The following PARP14 variants were observed in gnomAD, a reference collection of about 807,000 sequenced individuals.
PARP14 encodes the protein poly(ADP-ribose) polymerase family member 14, also known as protein mono-ADP-ribosyltransferase PARP14.
PARP14 carries 59 observed loss-of-function variants against 154.2 expected under a neutral mutation model. The observed-to-expected ratio is 0.38, with a 90% CI of 0.31 to 0.48. The LOEUF (loss-of-function observed/expected upper bound fraction) is 0.48. Among genes scored for constraint, PARP14 ranks in the 20% least tolerant of loss-of-function variants. PARP14 has a pLI of 0.98. For missense variants in PARP14, 1,734 were observed against 2,131.6 expected, an observed-to-expected ratio of 0.81 and a Z score of 3.67; for synonymous variants, 720 against 780.5, an observed-to-expected ratio of 0.92 and a Z score of 1.29.
In PARP14 at chr3:122,681,150, A is replaced by G; in HGVS notation, c.187+80A>G. On this transcript the variant is annotated intron_variant, in intron 1 of 16. Transcript: ENST00000474629. This position sits in a 1 kb window ranked among gnomAD's most constrained non-coding sequence, Gnocchi z 5.5. ...GAAATGGCGGCAGGGCACGCACGGG[A>G]GGGTGACCCGCCCGACTTCGGCGGC... 3.1e-6 allele frequency: 2 copies of G among 650,516 alleles called. No individual in the cohort carries two copies. Among genetic ancestry groups the G allele is most frequent in the Non-Finnish European group, 4.2e-6 (2 of 473,616 alleles). 40.3% of individuals were successfully genotyped at this position (650,516 alleles called of 1,614,324 possible).
At chr3:122,702,810 C>A (rs951484209) in intron 6 of PARP14, among the ~76,000 whole-genome samples, 4 of 152,002 alleles carry the variant, frequency 2.6e-5, no homozygotes, top group African/African-American at 9.7e-5. Context: ...TTCCTTGTCT[C>A]TTTTGACACC....
At chr3:122,710,776 G>A (rs1406070696) in intron 9 of PARP14, among the ~76,000 whole-genome samples, 1 of 150,568 alleles carries the variant, frequency 6.6e-6, no homozygotes, top group Non-Finnish European at 1.5e-5. Context: ...CCTTGGTTAA[G>A]TATATTCCTA....
At chr3:122,687,191 G>GC in intron 3 of PARP14, 78 bp downstream of exon 3, 1 of 995,066 alleles carries the variant, frequency 1.0e-6, no homozygotes, top group Non-Finnish European at 1.6e-6. Context: ...GAGGGAGTCA[G>GC]CCCTCTCTTC....
At chr3:122,711,815 G>C (rs1014858418) in intron 9 of PARP14, among the ~76,000 whole-genome samples, 5 of 152,090 alleles carry the variant, frequency 3.3e-5, no homozygotes, top group African/African-American at 7.2e-5. Context: ...ACCTAGGAGG[G>C]TTGTATGTTT....
chr3:122,718,301 T>A, intron 13 of PARP14, 24 bp downstream of exon 13: 2 of 1,611,446 alleles, frequency 1.2e-6, no homozygotes, highest in Non-Finnish European at 1.7e-6. Context: ...TTTTATGAAA[T>A]GCATGTTCAT....
At chr3:122,697,528 T>A (rs1938816766) in intron 5 of PARP14, among the ~76,000 whole-genome samples, 1 of 152,242 alleles carries the variant, frequency 6.6e-6, no homozygotes, top group Non-Finnish European at 1.5e-5. Context: ...CGTTAATTTT[T>A]CTTATAGGAT....
intron 3 of PARP14, among the ~76,000 whole-genome samples, chr3:122,688,228 A>G (rs935772968): frequency 6.6e-6 from 1 of 152,210 alleles, no homozygotes; most frequent in Admixed American, 6.5e-5. Flanking sequence ...TATACCGTCA[A>G]GCTCAACTTC....
intron 15 of PARP14, among the ~76,000 whole-genome samples, chr3:122,724,055 G>T (rs1451833253): frequency 1.3e-5 from 2 of 152,094 alleles, no homozygotes; most frequent in Non-Finnish European, 2.9e-5. Flanking sequence ...GTCTTTTAAT[G>T]ACCCCATTAA....
chr3:122,700,307 C>A lies in PARP14; in HGVS notation c.1753C>A (p.Leu585Met). The change falls in exon 6 of 17, where the codon CTG becomes ATG. Residue 585 changes from leucine (L) to methionine (M), a missense_variant. Coordinates refer to ENST00000474629, the MANE Select transcript of PARP14 (RefSeq NM_017554.3). ...VLLTSCSSEA[L>M]LEAEKQMLSA... is the part of the protein sequence containing the mutation. ...CTTAACCAGCTGTTCTTCTGAAGCC[C>A]TGTTAGAAGCAGAAAAGCAAATGCT... 1 of 1,613,446 alleles carries A rather than the reference C, an allele frequency of 6.2e-7. No individual in the cohort carries two copies. The highest frequency in any genetic ancestry group is 1.1e-5 in the South Asian group (1 of 90,992).
chr3:122,719,306 G>A (rs939840410), intron 14 of PARP14, among the ~76,000 whole-genome samples: 2 of 152,188 alleles, frequency 1.3e-5, no homozygotes, highest in African/African-American at 4.8e-5. Flanking sequence ...GAAAAGTGAT[G>A]GCCCAAGGTT....
chr3:122,700,457 A>G lies in PARP14; in HGVS notation c.1903A>G (p.Asn635Asp), dbSNP rs1262129627. The G allele has an allele frequency of 6.2e-7, 1 of 1,613,200 alleles. No homozygotes were observed. The highest frequency in any genetic ancestry group is 1.3e-5 in the African/African-American group (1 of 74,940). Reference sequence around the variant, plus strand: ...TTCCTCCCCAAACACTGTAATCATCAATGAGTTAACTTCAGAAACCACAGC... The same window carrying G: ...TTCCTCCCCAAACACTGTAATCATCGATGAGTTAACTTCAGAAACCACAGC... ...QNSSPNTVII[N>D]ELTSETTAEV... Residue 635 changes from asparagine to aspartate, a missense_variant, in exon 6 of 17, where the codon AAT becomes GAT. Asn to Asp is a conservative substitution (Grantham distance 23). Around this residue, in one of 2 missense-constraint regions of PARP14, gnomAD observed 1,646 missense variants for 1,976.0 expected, o/e 0.83. Transcript: ENST00000474629.
intron 3 of PARP14, among the ~76,000 whole-genome samples, chr3:122,688,338 T>A (rs571116835): frequency 6.6e-6 from 1 of 152,352 alleles, no homozygotes; most frequent in African/African-American, 2.4e-5. Context: ...TCATAGATTT[T>A]TACCTTAACT....
Position 122,699,827 on chromosome 3 carries a change from G to T in PARP14, c.1273G>T (p.Glu425Ter). 6.2e-7 allele frequency: 1 copy of T among 1,613,968 alleles called. No individual in the cohort carries two copies. The highest frequency in any genetic ancestry group is 1.1e-5 in the South Asian group (1 of 91,064). The change falls in exon 6 of 17, where the codon GAG becomes TAG. Residue 425 changes from glutamate (E) to a stop codon, truncating the protein, a stop_gained. Transcript: ENST00000474629. LOFTEE classifies it high-confidence loss of function. ...TGTGAAAGATGACAGGATTTTGATT[G>T]AGTTTGATACACTTAAGGAGATGGT... ...NDVKDDRILIEFDTLKEMVIL... is the reference protein window; with the variant it reads ...NDVKDDRILI
At chr3:122,691,813 C>A (rs1331079783) in intron 3 of PARP14, among the ~76,000 whole-genome samples, 1 of 151,994 alleles carries the variant, frequency 6.6e-6, no homozygotes, top group Non-Finnish European at 1.5e-5. Flanking sequence ...AAAGGCCAGG[C>A]AGAAAAGGGT....
intron 4 of PARP14, among the ~76,000 whole-genome samples, chr3:122,692,914 T>C (rs111283456): frequency 0.075 from 11,382 of 152,196 alleles, 541 homozygotes; most frequent in Non-Finnish European, 0.11. Context: ...GTGAAGTAAA[T>C]ATTTGTATTA....
chr3:122,705,069 T>C (rs1939110277), intron 8 of PARP14, among the ~76,000 whole-genome samples: 1 of 152,246 alleles, frequency 6.6e-6, no homozygotes, highest in Non-Finnish European at 1.5e-5. Flanking sequence ...TATCTTCATC[T>C]ATTTCCCTTC....
intron 7 of PARP14, 44 bp downstream of exon 7, chr3:122,704,022 TG>T (rs1470117641): frequency 1.5e-6 from 2 of 1,343,972 alleles, no homozygotes; most frequent in African/African-American, 2.9e-5. Flanking sequence ...GGTAGCCCTT[TG>T]GGTTCTCCTT....
rs1257890117 is a variant in PARP14, at chr3:122,701,570, G to C, written c.3016G>C (p.Gly1006Arg). Residue 1006 changes from glycine (G) to arginine (R), a missense_variant, in exon 6 of 17, where the codon GGA becomes CGA. Gly to Arg is a moderately radical substitution (Grantham distance 125). This residue lies in a region of PARP14 where 1,646 missense variants were observed against 1,976.0 expected (regional missense o/e 0.83). Coordinates refer to ENST00000474629, the MANE Select transcript of PARP14 (RefSeq NM_017554.3). This position sits in a 1 kb window ranked among gnomAD's most constrained non-coding sequence, Gnocchi z 4.0. Reference protein sequence around the residue: ...AGPGKTSWEKGSLVSPGGLQM... With the variant: ...AGPGKTSWEKRSLVSPGGLQM... ...GCCTGGGAAAACATCATGGGAAAAA[G>C]GAAGCCTGGTGTCCCCGGGAGGCCT... is the stretch of plus-strand genomic sequence containing the variant. 1 of 1,608,934 alleles carries C rather than the reference G, an allele frequency of 6.2e-7. No individual in the cohort carries two copies. The highest frequency in any genetic ancestry group is 1.3e-5 in the African/African-American group (1 of 74,850).
chr3:122,713,678 C>G (rs975703443), intron 10 of PARP14, 105 bp downstream of exon 10: 5 of 1,076,574 alleles, frequency 4.6e-6, no homozygotes, highest in African/African-American at 3.2e-5. Context: ...TAATTAATAA[C>G]TTTTAAATTA....
Sources: allele counts gnomAD v4.1 joint callset (sites outside exome capture counted in the v4.1 genomes callset), GRCh38; gene constraint gnomAD v4.1.1; regional missense constraint gnomAD v4.1.1; non-coding constraint Gnocchi (gnomAD v3.1); transcripts MANE v1.5; gene names NCBI Gene and HGNC (gene_info 2026-07-23, HGNC 2026-07-21).